Variants in RNF220 observed in about 807,000 individuals in gnomAD.
The protein encoded by RNF220 is E3 ubiquitin-protein ligase RNF220.
In RNF220, 7 loss-of-function variants were observed where a neutral mutation model predicts 67.1. That is an observed-to-expected ratio of 0.10 (90% confidence interval 0.06 to 0.20). RNF220 has a LOEUF of 0.20. RNF220 is among the 10% of genes least tolerant of loss of function. The probability of loss-of-function intolerance (pLI) is 1.00; values close to 1 mark genes in which losing one functional copy is unlikely to be tolerated. For missense variants in RNF220, 565 were observed against 740.3 expected (o/e 0.76, Z 2.75); for synonymous variants, 270 against 283.2 (o/e 0.95, Z 0.47).
At chr1:44,503,150 A>T (rs1371499050) in intron 2 of RNF220, among the ~76,000 whole-genome samples, 1 of 152,074 alleles carries the variant, frequency 6.6e-6, no homozygotes, top group African/African-American at 2.4e-5. Flanking sequence ...TCTGGCCAAC[A>T]TGGTGAAACC....
chr1:44,585,961 T>G lies in RNF220; in HGVS notation c.626-28204T>G, dbSNP rs1403227981. ...CCCGAATCTACCTGACTCCAAAACCTTCACTCTCTGTTGTCATCAGGCTGC... is the reference window on the plus strand; with the variant it reads ...CCCGAATCTACCTGACTCCAAAACCGTCACTCTCTGTTGTCATCAGGCTGC... On this transcript the variant is annotated intron_variant, in intron 2 of 14. Transcript: ENST00000361799. Among the ~76,000 whole-genome samples, 2 of 152,136 alleles carry G rather than the reference T, an allele frequency of 1.3e-5. 1 individual carries two copies. The highest frequency in any genetic ancestry group is 2.9e-5 in the Non-Finnish European group (2 of 68,030).
intron 2 of RNF220, among the ~76,000 whole-genome samples, chr1:44,422,178 T>G (rs961701020): frequency 3.3e-5 from 5 of 152,122 alleles, no homozygotes; most frequent in Non-Finnish European, 7.3e-5. Flanking sequence ...GGGATTTAGG[T>G]CCAAATGCCA....
chr1:44,421,706 G>A (rs1417397907), intron 2 of RNF220, among the ~76,000 whole-genome samples: 2 of 152,040 alleles, frequency 1.3e-5, no homozygotes, highest in Non-Finnish European at 2.9e-5. Context: ...CCATTACCCT[G>A]AACGCACAAA....
intron 2 of RNF220, among the ~76,000 whole-genome samples, chr1:44,454,072 A>G (rs545798462): frequency 3.3e-5 from 5 of 152,240 alleles, no homozygotes; most frequent in Admixed American, 1.3e-4. Flanking sequence ...TATCATTATC[A>G]AAATAGTTTT....
At position 44,615,530 on chromosome 1, in the gene RNF220, T is replaced by G. The variant is rs566913980; in HGVS notation, c.758+1233T>G. Among the ~76,000 whole-genome samples the G allele has an allele frequency of 8.5e-5, 13 of 152,284 alleles. No individual in the cohort carries two copies. The South Asian group carries it at 2.3e-3, about 27-fold the overall frequency. ...GTCATCAGACTTGACTGATCCTCCTTCCTTCTACCTTCTTACCGAATCCCC... is the reference window on the plus strand; with the variant it reads ...GTCATCAGACTTGACTGATCCTCCTGCCTTCTACCTTCTTACCGAATCCCC... On this transcript the variant is annotated intron_variant, in intron 3 of 14. Transcript: ENST00000361799.
At chr1:44,536,523 G>A (rs1661234129) in intron 2 of RNF220, among the ~76,000 whole-genome samples, 1 of 152,168 alleles carries the variant, frequency 6.6e-6, no homozygotes, top group Non-Finnish European at 1.5e-5. Context: ...GTGTCCCCAG[G>A]GCCCTGGAAC....
chr1:44,529,332 G>GA (rs1026920071), intron 2 of RNF220, among the ~76,000 whole-genome samples: 123 of 146,540 alleles, frequency 8.4e-4, no homozygotes, highest in African/African-American at 1.7e-3. Flanking sequence ...CTATGCATGG[G>GA]AAAAAAAAAA....
At chr1:44,570,956 C>T (rs1019612102) in intron 2 of RNF220, among the ~76,000 whole-genome samples, 3 of 152,022 alleles carry the variant, frequency 2.0e-5, no homozygotes, top group Non-Finnish European at 4.4e-5. Flanking sequence ...CACGTGTAAT[C>T]CTAGCTACTC....
chr1:44,560,438 A>G (rs1295852391), intron 2 of RNF220, among the ~76,000 whole-genome samples: 1 of 148,510 alleles, frequency 6.7e-6, no homozygotes, highest in African/African-American at 2.6e-5. Context: ...CCAAATGGAC[A>G]AAAAAAAGGA....
In RNF220 at chr1:44,622,473, C is replaced by A. The variant is rs1383640581; in HGVS notation, c.759-269C>A. 2.0e-5 allele frequency among the ~76,000 whole-genome samples: 3 copies of A among 152,180 alleles called. No homozygotes were observed. Among genetic ancestry groups the A allele is most frequent in the African/African-American group, 7.2e-5 (3 of 41,444 alleles). ...AGGAGTCAGGTAAAGCCCCTTTCTT[C>A]AGATCCACTGGGAAATCTACCATGC... On this transcript the variant is annotated intron_variant, in intron 3 of 14. Transcript: ENST00000361799. This position sits in a 1 kb window ranked among gnomAD's most constrained non-coding sequence, Gnocchi z 4.3.
At chr1:44,501,437 C>A (rs1657866355) in intron 2 of RNF220, among the ~76,000 whole-genome samples, 1 of 151,934 alleles carries the variant, frequency 6.6e-6, no homozygotes, top group Non-Finnish European at 1.5e-5. Context: ...TGTGGGACAC[C>A]CAGGCTGGCA....
chr1:44,406,448 G>A (rs1647339284), intron 1 of RNF220, among the ~76,000 whole-genome samples: 1 of 152,262 alleles, frequency 6.6e-6, no homozygotes, highest in African/African-American at 2.4e-5. Flanking sequence ...GCGGGAGGAC[G>A]ATCGTGGAGA....
intron 2 of RNF220, among the ~76,000 whole-genome samples, chr1:44,564,269 T>C (rs544705036): frequency 6.5e-4 from 99 of 152,280 alleles, no homozygotes; most frequent in African/African-American, 2.2e-3. Flanking sequence ...CCTGGACCGT[T>C]GCAATCACCT....
intron 4 of RNF220, among the ~76,000 whole-genome samples, chr1:44,625,289 C>A (rs775050779): frequency 6.6e-6 from 1 of 152,230 alleles, no homozygotes; most frequent in African/African-American, 2.4e-5. Context: ...AGCCTCTTCT[C>A]TCCTCCAGCT....
chr1:44,562,993 G>A (rs1421902546), intron 2 of RNF220, among the ~76,000 whole-genome samples: 1 of 152,148 alleles, frequency 6.6e-6, no homozygotes, highest in East Asian at 1.9e-4. Context: ...ATGGGGCTGG[G>A]AACAATAGAC....
At chr1:44,439,067 T>A (rs1179231704) in intron 2 of RNF220, among the ~76,000 whole-genome samples, 1 of 152,220 alleles carries the variant, frequency 6.6e-6, no homozygotes, top group Non-Finnish European at 1.5e-5. Context: ...ACAGAGAACA[T>A]CTTTGTGAAT....
rs1557996558 is a variant in RNF220, at chr1:44,509,884, C to CAAA, written c.625+97162_625+97163insAAA. ...CCTGGGTGACAGAGCGAGACCCTGT[C>CAAA]CAAAAAAAAAAAAAAAAAAAAAGGA... On this transcript the variant is annotated intron_variant, in intron 2 of 14. Transcript: ENST00000361799. 1.9e-3 allele frequency among the ~76,000 whole-genome samples: 155 copies of CAAA among 80,362 alleles called. 19 individuals carry two copies. Among genetic ancestry groups the CAAA allele is most frequent in the Middle Eastern group, 0.013 (1 of 78 alleles). 52.7% of individuals were successfully genotyped at this position (80,362 alleles called of 152,430 possible). A position where few individuals can be genotyped will look rare whatever the true frequency, so the allele number is the denominator to read the frequency against.
intron 2 of RNF220, among the ~76,000 whole-genome samples, chr1:44,523,718 A>G (rs1660119096): frequency 6.6e-6 from 1 of 152,126 alleles, no homozygotes; most frequent in African/African-American, 2.4e-5. Flanking sequence ...AAGCAGAGAA[A>G]TGTGCTGAGG....
chr1:44,409,125 T>TCTAATTGGTCCCTCCGTCCAAC lies in RNF220; in HGVS notation c.-117-2854_-117-2853insAATTGGTCCCTCCGTCCAACCT, dbSNP rs1647708126. 4.1e-3 allele frequency among the ~76,000 whole-genome samples: 632 copies of TCTAATTGGTCCCTCCGTCCAAC among 152,314 alleles called. 12 individuals are homozygous for TCTAATTGGTCCCTCCGTCCAAC. The highest frequency in any genetic ancestry group is 0.014 in the African/African-American group (597 of 41,550). On this transcript the variant is annotated intron_variant, in intron 1 of 14. Coordinates refer to ENST00000361799, the MANE Select transcript of RNF220 (RefSeq NM_018150.4). ...GCGTGTTTAACCACGCAATTAGTAA[T>TCTAATTGGTCCCTCCGTCCAAC]CTCACTAATTATTCAGATAGCTGGC...
Sources: gnomAD v4.1 joint callset for allele counts (sites outside exome capture counted in the v4.1 genomes callset) on GRCh38, gnomAD v4.1.1 for gene constraint, Gnocchi (gnomAD v3.1) non-coding constraint, MANE v1.5 for transcripts, NCBI Gene and HGNC (gene_info 2026-07-23, HGNC 2026-07-21) for gene names.